Variants in EXOC6B observed in about 807,000 individuals in gnomAD.
The protein encoded by EXOC6B is exocyst complex component 6B.
EXOC6B carries 54 observed loss-of-function variants against 113.5 expected under a neutral mutation model. That is an observed-to-expected ratio of 0.48 (90% CI 0.38 to 0.60). The LOEUF (loss-of-function observed/expected upper bound fraction) is 0.60. EXOC6B is among the 20% of genes least tolerant of loss of function. EXOC6B has a pLI of 0.00. For synonymous variants in EXOC6B, 357 were observed against 339.0 expected, an observed-to-expected ratio of 1.05 and a Z score of -0.58; for missense variants, 797 against 977.5, an observed-to-expected ratio of 0.82 and a Z score of 2.46.
intron 20 of EXOC6B, among the ~76,000 whole-genome samples, chr2:72,283,356 T>C (rs1471790659): frequency 6.6e-6 from 1 of 152,084 alleles, no homozygotes; most frequent in Non-Finnish European, 1.5e-5. Flanking sequence ...ATTCCTAGAT[T>C]TGTAAAAGAA....
chr2:72,303,751 A>C (rs1356712016), intron 20 of EXOC6B, among the ~76,000 whole-genome samples: 1 of 152,196 alleles, frequency 6.6e-6, no homozygotes, highest in African/African-American at 2.4e-5. Flanking sequence ...TGAAGGACAT[A>C]AGACATTCTG....
At chr2:72,597,156 T>C (rs889867376) in intron 6 of EXOC6B, among the ~76,000 whole-genome samples, 2 of 151,334 alleles carry the variant, frequency 1.3e-5, no homozygotes, top group African/African-American at 4.8e-5. Flanking sequence ...CACTAAATTG[T>C]TCACTTAAAA....
At chr2:72,282,767 CTA>C (rs1685204376) in intron 20 of EXOC6B, among the ~76,000 whole-genome samples, 1 of 152,058 alleles carries the variant, frequency 6.6e-6, no homozygotes, top group East Asian at 1.9e-4. Context: ...GCTGGCATGA[CTA>C]TACTAACATC....
At chr2:72,184,821 G>A (rs991336728) in intron 20 of EXOC6B, among the ~76,000 whole-genome samples, 4 of 152,174 alleles carry the variant, frequency 2.6e-5, no homozygotes, top group Non-Finnish European at 4.4e-5. Flanking sequence ...TATGTGTTAC[G>A]TCTATGCAGA....
intron 8 of EXOC6B, among the ~76,000 whole-genome samples, chr2:72,516,935 G>T (rs1701241147): frequency 6.6e-6 from 1 of 152,226 alleles, no homozygotes; most frequent in East Asian, 1.9e-4. Flanking sequence ...TAAATGCCAC[G>T]CAATACCTAG....
intron 6 of EXOC6B, among the ~76,000 whole-genome samples, chr2:72,594,071 C>G (rs1669916926): frequency 6.6e-6 from 1 of 152,138 alleles, no homozygotes; most frequent in Non-Finnish European, 1.5e-5. Flanking sequence ...GCCTTGACCT[C>G]CTGGTCTCAA....
At chr2:72,567,014 T>C (rs1469512983) in intron 7 of EXOC6B, among the ~76,000 whole-genome samples, 1 of 151,894 alleles carries the variant, frequency 6.6e-6, no homozygotes, top group Admixed American at 6.6e-5. Context: ...TTACAAAAGG[T>C]GGGTAGGAGC....
chr2:72,185,764 T>C (rs1022367395), intron 20 of EXOC6B, among the ~76,000 whole-genome samples: 1 of 151,302 alleles, frequency 6.6e-6, no homozygotes, highest in Non-Finnish European at 1.5e-5. Flanking sequence ...TAATTATACT[T>C]TAAGTTCTAG....
chr2:72,349,806 T>C (rs1455839270), intron 19 of EXOC6B, among the ~76,000 whole-genome samples: 1 of 152,116 alleles, frequency 6.6e-6, no homozygotes, highest in Admixed American at 6.6e-5. Flanking sequence ...CTGAAGGGAT[T>C]GTGGGGAGCC....
intron 18 of EXOC6B, among the ~76,000 whole-genome samples, chr2:72,437,425 T>C (rs1363233338): frequency 2.0e-5 from 3 of 152,224 alleles, no homozygotes; most frequent in Non-Finnish European, 4.4e-5. Context: ...ACTTGAGTGC[T>C]GTACTGGGAG....
intron 20 of EXOC6B, among the ~76,000 whole-genome samples, chr2:72,325,494 T>C (rs1020876532): frequency 6.6e-6 from 1 of 151,990 alleles, no homozygotes; most frequent in Non-Finnish European, 1.5e-5. Flanking sequence ...TCAAGCCTGG[T>C]GTTTTATCTC....
intron 6 of EXOC6B, among the ~76,000 whole-genome samples, chr2:72,661,014 C>G (rs958710691): frequency 6.6e-6 from 1 of 152,112 alleles, no homozygotes; most frequent in African/African-American, 2.4e-5. Flanking sequence ...AGCCCAGTAG[C>G]AATCTCTAGG....
At chr2:72,349,060 T>C (rs546982144) in intron 19 of EXOC6B, among the ~76,000 whole-genome samples, 67 of 152,308 alleles carry the variant, frequency 4.4e-4, no homozygotes, top group African/African-American at 1.6e-3. Context: ...GCTGAGGTAA[T>C]GGGGATTCTA....
intron 6 of EXOC6B, among the ~76,000 whole-genome samples, chr2:72,598,171 C>T (rs1356295759): frequency 6.6e-6 from 1 of 151,842 alleles, no homozygotes; most frequent in Non-Finnish European, 1.5e-5. Context: ...GCATAGCACA[C>T]TGATGGCCAT....
At chr2:72,312,807 A>C (rs1558547076) in intron 20 of EXOC6B, among the ~76,000 whole-genome samples, 1 of 151,544 alleles carries the variant, frequency 6.6e-6, no homozygotes, top group Non-Finnish European at 1.5e-5. Flanking sequence ...AACCAAAAAA[A>C]AAAAAAACAA....
chr2:72,531,550 CCTT>C (rs1702003970), intron 8 of EXOC6B, among the ~76,000 whole-genome samples: 1 of 152,186 alleles, frequency 6.6e-6, no homozygotes, highest in African/African-American at 2.4e-5. Context: ...AAGAAAATCT[CCTT>C]AAGTTTCAAA....
intron 2 of EXOC6B, among the ~76,000 whole-genome samples, chr2:72,741,053 G>T (rs527905244): frequency 2.0e-5 from 3 of 151,518 alleles, no homozygotes. Flanking sequence ...GCAGTGAACC[G>T]AGATCGCACC....
At chr2:72,802,739 A>G (rs901175846) in intron 1 of EXOC6B, among the ~76,000 whole-genome samples, 1 of 152,192 alleles carries the variant, frequency 6.6e-6, no homozygotes. Context: ...ACTTCCTTTC[A>G]TGCTAGATGC....
chr2:72,339,424 G>T (rs548663814), intron 19 of EXOC6B, among the ~76,000 whole-genome samples: 2 of 152,114 alleles, frequency 1.3e-5, no homozygotes, highest in Non-Finnish European at 2.9e-5. Context: ...CATTGGCAAG[G>T]AAAGCAAGGT....
Sources: allele counts gnomAD v4.1 joint callset (sites outside exome capture counted in the v4.1 genomes callset), GRCh38; gene constraint gnomAD v4.1.1; transcripts MANE v1.5; gene names NCBI Gene and HGNC (gene_info 2026-07-23, HGNC 2026-07-21).